UTRN: variants seen among roughly 807,000 people sequenced by gnomAD.
UTRN encodes dystrophin-related protein 1.
UTRN carries 283 observed loss-of-function variants against 463.9 expected under a neutral mutation model. The ratio of observed to expected loss-of-function variants is 0.61; its 90% CI spans 0.55 to 0.67. The LOEUF is 0.67. Among genes scored for constraint, UTRN ranks in the 30% least tolerant of loss-of-function variants. The pLI, the probability that UTRN is intolerant of heterozygous loss-of-function variation, is 0.00. For synonymous variants in UTRN, 1,442 were observed against 1,431.5 expected (o/e 1.01, Z -0.17); for missense variants, 3,922 against 4,084.3 (o/e 0.96, Z 1.08).
At chr6:144,758,040 T>C in intron 58 of UTRN, 51 bp downstream of exon 58, 1 of 1,535,996 alleles carries the variant, frequency 6.5e-7, no homozygotes, top group Non-Finnish European at 8.9e-7. Context: ...CATGTTTTAT[T>C]GATAACTTAA....
intron 2 of UTRN, among the ~76,000 whole-genome samples, chr6:144,363,340 TA>T (rs1779236808): frequency 6.6e-6 from 1 of 152,232 alleles, no homozygotes; most frequent in African/African-American, 2.4e-5. Context: ...AACACAACTT[TA>T]AAATCATTTT....
At chr6:144,819,567 C>G (rs1034395097) in intron 65 of UTRN, among the ~76,000 whole-genome samples, 2 of 151,886 alleles carry the variant, frequency 1.3e-5, no homozygotes, top group Admixed American at 1.3e-4. Flanking sequence ...GTGGTGCGCA[C>G]CTGTAGTCCC....
chr6:144,720,354 T>G (rs1004204796), intron 53 of UTRN, among the ~76,000 whole-genome samples: 86 of 152,352 alleles, frequency 5.6e-4, no homozygotes, highest in Middle Eastern at 3.4e-3. Flanking sequence ...TGGGAATCTC[T>G]GTATAGACAT....
intron 53 of UTRN, among the ~76,000 whole-genome samples, chr6:144,719,701 T>C (rs2128708003): frequency 6.6e-6 from 1 of 152,020 alleles, no homozygotes; most frequent in African/African-American, 2.4e-5. Context: ...GAAATGAGGG[T>C]GTATTAGGAG....
At position 144,697,737 on chromosome 6, in the gene UTRN, C is replaced by T. The variant is rs1411834717; in HGVS notation, c.7653-2350C>T. ...CATTTCTTTTAAAAAGTATTGTCTT[C>T]ATCCTCATAATTAATAGATAGTTTT... On this transcript the variant is annotated intron_variant, in intron 52 of 74. Coordinates refer to ENST00000367545, the MANE Select transcript of UTRN (RefSeq NM_007124.3). 2.6e-5 allele frequency among the ~76,000 whole-genome samples: 4 copies of T among 152,112 alleles called. No individual in the cohort carries two copies. In the East Asian group the frequency reaches 7.7e-4, roughly 29 times the overall value.
At chr6:144,547,395 C>T (rs1406168642) in intron 46 of UTRN, among the ~76,000 whole-genome samples, 2 of 152,068 alleles carry the variant, frequency 1.3e-5, no homozygotes, top group African/African-American at 2.4e-5. Context: ...TTAATAGCTT[C>T]CCTTTTTTGT....
intron 41 of UTRN, among the ~76,000 whole-genome samples, chr6:144,524,742 G>A (rs189034823): frequency 1.3e-3 from 199 of 152,278 alleles, no homozygotes; most frequent in Non-Finnish European, 1.5e-3. Flanking sequence ...TGCAAGTGGT[G>A]AAAGTGGGCA....
chr6:144,380,726 G>C (rs1262134670), intron 2 of UTRN, among the ~76,000 whole-genome samples: 1 of 152,076 alleles, frequency 6.6e-6, no homozygotes, highest in Non-Finnish European at 1.5e-5. Context: ...GAGGTGGGAG[G>C]ATTACTTGAG....
At chr6:144,675,344 G>C (rs1034691895) in intron 51 of UTRN, among the ~76,000 whole-genome samples, 1 of 152,178 alleles carries the variant, frequency 6.6e-6, no homozygotes, top group African/African-American at 2.4e-5. Context: ...AGTAGCACCT[G>C]CTCCAGTGGA....
chr6:144,527,923 C>G (rs903121025), intron 41 of UTRN, among the ~76,000 whole-genome samples: 1 of 151,894 alleles, frequency 6.6e-6, no homozygotes, highest in African/African-American at 2.4e-5. Flanking sequence ...TGGACTTCAC[C>G]TTTCACTGGT....
At chr6:144,822,555 AT>A (rs1161631358) in intron 66 of UTRN, among the ~76,000 whole-genome samples, 1 of 152,132 alleles carries the variant, frequency 6.6e-6, no homozygotes, top group Admixed American at 6.5e-5. Flanking sequence ...ATTCTTTTGC[AT>A]AGTACAATTT....
At chr6:144,782,318 A>G (rs1298622940) in intron 61 of UTRN, among the ~76,000 whole-genome samples, 195 bp downstream of exon 61, 2 of 152,318 alleles carry the variant, frequency 1.3e-5, no homozygotes, top group East Asian at 1.9e-4. Flanking sequence ...ACAGAAAAGA[A>G]TGTACATCTT....
At chr6:144,845,369 T>C (rs1019977714) in intron 73 of UTRN, among the ~76,000 whole-genome samples, 2 of 152,248 alleles carry the variant, frequency 1.3e-5, no homozygotes, top group African/African-American at 4.8e-5. Flanking sequence ...TTTTTGCTGA[T>C]AGACCAAGAA....
At chr6:144,632,091 T>C (rs922643459) in intron 51 of UTRN, among the ~76,000 whole-genome samples, 9 of 152,168 alleles carry the variant, frequency 5.9e-5, no homozygotes, top group Admixed American at 1.3e-4. Flanking sequence ...GTGGGGACCA[T>C]CTAGCTTTTA....
chr6:144,514,352 TCTTA>T (rs1430497961), intron 36 of UTRN, among the ~76,000 whole-genome samples: 1 of 152,220 alleles, frequency 6.6e-6, no homozygotes, highest in Non-Finnish European at 1.5e-5. Context: ...CTCCAGTGAG[TCTTA>T]CTTACTTTTG....
chr6:144,621,862 C>G (rs1464554483), intron 51 of UTRN, among the ~76,000 whole-genome samples: 2 of 152,134 alleles, frequency 1.3e-5, no homozygotes, highest in African/African-American at 4.8e-5. Flanking sequence ...CCTACGCCTT[C>G]TCTTTTTTCT....
At chr6:144,674,127 A>T (rs1781344771) in intron 51 of UTRN, among the ~76,000 whole-genome samples, 1 of 151,942 alleles carries the variant, frequency 6.6e-6, no homozygotes, top group East Asian at 1.9e-4. Flanking sequence ...TGCCTAGGTG[A>T]TGATCTTTTT....
intron 66 of UTRN, among the ~76,000 whole-genome samples, chr6:144,823,127 C>T (rs1779743509): frequency 6.6e-6 from 1 of 151,982 alleles, no homozygotes; most frequent in Non-Finnish European, 1.5e-5. Flanking sequence ...TCTGAAAATG[C>T]CTCGCCTCAA....
At chr6:144,505,225 T>C (rs912123547) in intron 34 of UTRN, among the ~76,000 whole-genome samples, 2 of 152,212 alleles carry the variant, frequency 1.3e-5, no homozygotes, top group African/African-American at 4.8e-5. Context: ...CCTGGATTCA[T>C]TGAATTTTTT....
Sources: gnomAD v4.1 joint callset for allele counts (sites outside exome capture counted in the v4.1 genomes callset) on GRCh38, gnomAD v4.1.1 for gene constraint, MANE v1.5 for transcripts, NCBI Gene and HGNC (gene_info 2026-07-23, HGNC 2026-07-21) for gene names.